The following SLC16A10 variants were observed in gnomAD, a reference collection of about 807,000 sequenced individuals.
SLC16A10 encodes the protein solute carrier family 16 member 10.
SLC16A10 carries 27 observed loss-of-function variants against 40.0 expected under a neutral mutation model. That is an observed-to-expected ratio of 0.67 (90% CI 0.50 to 0.93). SLC16A10 has a LOEUF of 0.93. SLC16A10 is among the 40% of genes least tolerant of loss of function. SLC16A10 has a pLI of 0.00. For synonymous variants in SLC16A10, 213 were observed against 249.8 expected (o/e 0.85, Z 1.39); for missense variants, 529 against 658.2 (o/e 0.80, Z 2.15).
chr6:111,215,227 C>T (rs1009386297), intron 4 of SLC16A10, among the ~76,000 whole-genome samples: 3 of 151,640 alleles, frequency 2.0e-5, no homozygotes, highest in Admixed American at 6.6e-5. Context: ...AGAACAAAAA[C>T]GTGAAGAGGC....
intron 3 of SLC16A10, among the ~76,000 whole-genome samples, chr6:111,185,844 A>G (rs985159346): frequency 6.6e-6 from 1 of 152,248 alleles, no homozygotes; most frequent in South Asian, 2.1e-4. Context: ...AGAGAGCTCT[A>G]AAGAATTAGT....
At chr6:111,101,007 T>C (rs1184855423) in intron 1 of SLC16A10, among the ~76,000 whole-genome samples, 4 of 142,486 alleles carry the variant, frequency 2.8e-5, no homozygotes, top group African/African-American at 5.3e-5. Flanking sequence ...TATATATATA[T>C]ATATATATAT....
At chr6:111,193,560 G>T (rs1166557032) in intron 3 of SLC16A10, among the ~76,000 whole-genome samples, 1 of 152,170 alleles carries the variant, frequency 6.6e-6, no homozygotes, top group African/African-American at 2.4e-5. Context: ...GAAATCTAGA[G>T]AACTGATCAT....
At chr6:111,213,001 T>G (rs1773369457) in intron 4 of SLC16A10, among the ~76,000 whole-genome samples, 1 of 152,214 alleles carries the variant, frequency 6.6e-6, no homozygotes, top group Non-Finnish European at 1.5e-5. Flanking sequence ...GTGTTTCTAG[T>G]CACCATTAAA....
At chr6:111,192,008 C>T (rs1243255902) in intron 3 of SLC16A10, among the ~76,000 whole-genome samples, 4 of 152,112 alleles carry the variant, frequency 2.6e-5, no homozygotes, top group East Asian at 3.8e-4. Flanking sequence ...TGTGCAGAAG[C>T]GCTTTAGTTT....
chr6:111,140,958 A>G (rs2114502507), intron 1 of SLC16A10, among the ~76,000 whole-genome samples: 1 of 152,084 alleles, frequency 6.6e-6, no homozygotes, highest in South Asian at 2.1e-4. Flanking sequence ...GCTAATTTTT[A>G]AATTGTTTTT....
rs1562402679 is a variant in SLC16A10, at chr6:111,118,384, GTA to G, written c.343+30290_343+30291del. Among the ~76,000 whole-genome samples, 385 of 152,224 alleles carry G rather than the reference GTA, an allele frequency of 2.5e-3. 2 individuals are homozygous for G. The highest frequency in any genetic ancestry group is 8.8e-3 in the African/African-American group (364 of 41,540). On this transcript the variant is annotated intron_variant, in intron 1 of 5. Transcript: ENST00000368851. The stretch of plus-strand genomic sequence containing the variant: ...TTCCCTCCAGTTCTGTCTAGCACCT[GTA>G]AAGATGAATTATTGGCTGGGTGTGG...
At chr6:111,214,639 A>G (rs1773393637) in intron 4 of SLC16A10, among the ~76,000 whole-genome samples, 1 of 152,238 alleles carries the variant, frequency 6.6e-6, no homozygotes, top group Non-Finnish European at 1.5e-5. Flanking sequence ...GAAGAAGCAA[A>G]GTATTTTTCT....
chr6:111,197,475 T>C (rs945976678), intron 3 of SLC16A10, among the ~76,000 whole-genome samples: 3 of 152,208 alleles, frequency 2.0e-5, no homozygotes, highest in Non-Finnish European at 4.4e-5. Flanking sequence ...ACTTGCTTAT[T>C]GACACTATTG....
intron 3 of SLC16A10, among the ~76,000 whole-genome samples, chr6:111,187,371 C>G (rs1054416864): frequency 6.6e-6 from 1 of 152,088 alleles, no homozygotes; most frequent in Non-Finnish European, 1.5e-5. Context: ...CTTGGGTCTT[C>G]TTAAAAGTGT....
At chr6:111,213,296 G>T (rs899338415) in intron 4 of SLC16A10, among the ~76,000 whole-genome samples, 2 of 152,156 alleles carry the variant, frequency 1.3e-5, no homozygotes, top group Non-Finnish European at 2.9e-5. Context: ...AGGTGAATGG[G>T]CATGGGTTGA....
At chr6:111,219,624 T>G (rs933617515) in intron 5 of SLC16A10, among the ~76,000 whole-genome samples, 1 of 150,936 alleles carries the variant, frequency 6.6e-6, no homozygotes. Context: ...AATAACATGA[T>G]AGAAAAAACC....
chr6:111,202,033 AAGAGAGGTGGAGAGG>A (rs1326205884), intron 3 of SLC16A10, among the ~76,000 whole-genome samples: 6 of 152,326 alleles, frequency 3.9e-5, no homozygotes, highest in Non-Finnish European at 8.8e-5. Flanking sequence ...GCTCCCCTGT[AAGAGAGGTGGAGAGG>A]AGAGAGGCCA....
At chr6:111,105,760 C>T (rs909195082) in intron 1 of SLC16A10, among the ~76,000 whole-genome samples, 1 of 152,206 alleles carries the variant, frequency 6.6e-6, no homozygotes, top group African/African-American at 2.4e-5. Flanking sequence ...TGTGTTGACT[C>T]ACGTGCTGTC....
intron 1 of SLC16A10, among the ~76,000 whole-genome samples, chr6:111,125,299 C>A (rs7760668): frequency 0.99 from 151,151 of 152,252 alleles, 75,029 homozygotes; most frequent in East Asian, 1. Flanking sequence ...CTCCAGGCCT[C>A]ATGGGAGTGG....
chr6:111,166,501 A>T (rs1772476771), intron 1 of SLC16A10, among the ~76,000 whole-genome samples: 1 of 152,208 alleles, frequency 6.6e-6, no homozygotes, highest in Non-Finnish European at 1.5e-5. Context: ...ATTTTACATA[A>T]TTTAAGGCTA....
rs189984802 is a variant in SLC16A10, at chr6:111,139,939, T to C, written c.344-32756T>C. On this transcript the variant is annotated intron_variant, in intron 1 of 5. Coordinates refer to ENST00000368851, the MANE Select transcript of SLC16A10 (RefSeq NM_018593.5). ...CCAGCATCTGTTACTTTTTGACTTA[T>C]AGGTGGGAGCTAAATGATAAGAACT... is the stretch of plus-strand genomic sequence containing the variant. 4.4e-4 allele frequency among the ~76,000 whole-genome samples: 67 copies of C among 152,290 alleles called. No homozygotes were observed. The East Asian group carries it at 6.6e-3, about 15-fold the overall frequency.
rs187926960 is a variant in SLC16A10, at chr6:111,114,299, C to T, written c.343+26204C>T. Among the ~76,000 whole-genome samples, 4 of 152,220 alleles carry T rather than the reference C, an allele frequency of 2.6e-5. No homozygotes were observed. In the East Asian group the frequency reaches 7.7e-4, roughly 29 times the overall value. On this transcript the variant is annotated intron_variant, in intron 1 of 5. Transcript: ENST00000368851. ...TTGGTAAATCTCAAAAACATCATAT[C>T]GAATGAAAAGACAAAGTTGTGAAAT...
intron 1 of SLC16A10, among the ~76,000 whole-genome samples, chr6:111,163,669 TAAGGGGTCAGAAAAGAC>T (rs1772418057): frequency 6.6e-6 from 1 of 152,210 alleles, no homozygotes; most frequent in South Asian, 2.1e-4. Context: ...TATTCAAAAG[TAAGGGGTCAGAAAAGAC>T]AACCTTGAAA....
Sources: allele counts gnomAD v4.1 joint callset (sites outside exome capture counted in the v4.1 genomes callset), GRCh38; gene constraint gnomAD v4.1.1; transcripts MANE v1.5; gene names NCBI Gene and HGNC (gene_info 2026-07-23, HGNC 2026-07-21).